NR2C2: variants seen among roughly 807,000 people sequenced by gnomAD.
NR2C2 encodes nuclear receptor subfamily 2 group C member 2, also known as Nuclear hormone receptor TR4.
A neutral mutation model predicts 62.9 loss-of-function variants in NR2C2; 6 were observed. The observed-to-expected ratio is 0.10, with a 90% confidence interval of 0.05 to 0.19. The LOEUF is 0.19. Among genes scored for constraint, NR2C2 ranks in the 10% least tolerant of loss-of-function variants. The probability of loss-of-function intolerance (pLI) is 1.00; values close to 1 mark genes in which losing one functional copy is unlikely to be tolerated. For synonymous variants in NR2C2, 272 were observed against 273.8 expected (o/e 0.99, Z 0.07); for missense variants, 479 against 762.7 (o/e 0.63, Z 4.38).
chr3:14,980,100 G>C (rs918632432), intron 1 of NR2C2, among the ~76,000 whole-genome samples: 2 of 151,940 alleles, frequency 1.3e-5, no homozygotes, highest in Non-Finnish European at 2.9e-5. Flanking sequence ...GGCTTCCTTG[G>C]TTTTATACCT....
chr3:14,959,972 A>T lies in NR2C2; in HGVS notation c.-40+12066A>T, dbSNP rs1019143296. Among the ~76,000 whole-genome samples, 10 of 152,354 alleles carry T rather than the reference A, an allele frequency of 6.6e-5. No homozygotes were observed. The South Asian group carries it at 8.3e-4, about 13-fold the overall frequency. On this transcript the variant is annotated intron_variant, in intron 1 of 13. Transcript: ENST00000425241. ...ATCCATTTTCCAGAACTATTTCTTG[A>T]ATAGAAAATGGTAAATGGATTATCT... is the stretch of plus-strand genomic sequence containing the variant.
chr3:14,974,975 T>C (rs1025245942), intron 1 of NR2C2, among the ~76,000 whole-genome samples: 1 of 152,256 alleles, frequency 6.6e-6, no homozygotes, highest in Non-Finnish European at 1.5e-5. Context: ...AATTTAATCC[T>C]GAACATTTTA....
At chr3:15,035,254 G>A (rs556162484) in intron 11 of NR2C2, among the ~76,000 whole-genome samples, 1 of 152,270 alleles carries the variant, frequency 6.6e-6, no homozygotes, top group East Asian at 1.9e-4. Context: ...ATCATTCCAG[G>A]TACTCCATCC....
At chr3:15,023,057 G>T in intron 5 of NR2C2, 143 bp from the exon 6 acceptor site, 2 of 889,782 alleles carry the variant, frequency 2.2e-6, no homozygotes, top group Non-Finnish European at 3.3e-6. Flanking sequence ...CTCTCTGGCC[G>T]AAAAGTCCAC....
intron 5 of NR2C2, among the ~76,000 whole-genome samples, chr3:15,022,003 G>C (rs1196022943): frequency 6.6e-6 from 1 of 152,148 alleles, no homozygotes; most frequent in Non-Finnish European, 1.5e-5. Flanking sequence ...ACATTGCCAA[G>C]CTGTCCTTTT....
intron 10 of NR2C2, among the ~76,000 whole-genome samples, chr3:15,032,731 TG>T: frequency 6.6e-6 from 1 of 152,118 alleles, no homozygotes; most frequent in African/African-American, 2.4e-5. Flanking sequence ...ACCAAGGATT[TG>T]GTGCTAGGAG....
chr3:15,038,828 TAA>T (rs2042174423), intron 12 of NR2C2: 1 of 289,646 alleles, frequency 3.5e-6, no homozygotes, highest in Admixed American at 4.6e-5. Flanking sequence ...TGATAGTTTT[TAA>T]AACTATGTGT....
At chr3:14,957,261 A>G (rs1486164546) in intron 1 of NR2C2, among the ~76,000 whole-genome samples, 1 of 151,936 alleles carries the variant, frequency 6.6e-6, no homozygotes, top group African/African-American at 2.4e-5. Context: ...ACTCATTCCT[A>G]TTAATGAAGG....
chr3:14,974,121 A>G (rs2040133025), intron 1 of NR2C2, among the ~76,000 whole-genome samples: 1 of 152,128 alleles, frequency 6.6e-6, no homozygotes, highest in South Asian at 2.1e-4. Flanking sequence ...CCACCCTCAC[A>G]ACTGCTCTTC....
At chr3:14,962,831 A>G (rs548598698) in intron 1 of NR2C2, among the ~76,000 whole-genome samples, 12 of 152,150 alleles carry the variant, frequency 7.9e-5, no homozygotes, top group African/African-American at 2.9e-4. Context: ...CGTTAATATT[A>G]TGGAATAGTA....
At chr3:15,007,603 A>G (rs2041222706) in intron 2 of NR2C2, among the ~76,000 whole-genome samples, 1 of 152,240 alleles carries the variant, frequency 6.6e-6, no homozygotes, top group South Asian at 2.1e-4. Flanking sequence ...AGCCATCTTC[A>G]TATGCCACTG....
rs1298123235 is a variant in NR2C2 at position 15,049,060 on chromosome 3, A to C, written c.*6052A>C. The C allele has an allele frequency of 6.5e-6, 1 of 152,688 alleles. No homozygotes were observed. Among genetic ancestry groups the C allele is most frequent in the Non-Finnish European group, 1.5e-5 (1 of 68,050 alleles). 9.5% of individuals were successfully genotyped at this position (152,688 alleles called of 1,614,324 possible). On this transcript the variant is annotated 3_prime_UTR_variant, in exon 14 of 14. Transcript: ENST00000425241. ...TTTGTTTATGTGATGGCATTTAAAA[A>C]ATAGCATGTTCTTTTTAAACTGAAT... is the stretch of plus-strand genomic sequence containing the variant.
At chr3:14,958,280 A>G (rs191849046) in intron 1 of NR2C2, among the ~76,000 whole-genome samples, 1 of 152,150 alleles carries the variant, frequency 6.6e-6, no homozygotes, top group Admixed American at 6.5e-5. Context: ...ACTTAATAAG[A>G]ACTGATGGAG....
rs185252555 is a variant in NR2C2 at position 14,996,583 on chromosome 3, T to C, written c.-39-7293T>C. 8.7e-4 allele frequency among the ~76,000 whole-genome samples: 132 copies of C among 152,366 alleles called. 2 individuals are homozygous for C. Among genetic ancestry groups the C allele is most frequent in the African/African-American group, 3.1e-3 (127 of 41,592 alleles). Reference sequence around the variant, plus strand: ...AGCTATTAGAGGGTTTATTTGTTTATTTATTGAGACGGAGTCTCGCTCTGT... The same window carrying C: ...AGCTATTAGAGGGTTTATTTGTTTACTTATTGAGACGGAGTCTCGCTCTGT... On this transcript the variant is annotated intron_variant, in intron 1 of 13. Coordinates refer to ENST00000425241, the MANE Select transcript of NR2C2 (RefSeq NM_001291694.2).
At chr3:14,980,271 C>T (rs2040327345) in intron 1 of NR2C2, among the ~76,000 whole-genome samples, 1 of 151,472 alleles carries the variant, frequency 6.6e-6, no homozygotes, top group African/African-American at 2.4e-5. Context: ...CCGCCTCAGC[C>T]TTCCAAGGAG....
At chr3:15,014,111 A>T (rs1042762942) in intron 3 of NR2C2, among the ~76,000 whole-genome samples, 8 of 152,180 alleles carry the variant, frequency 5.3e-5, no homozygotes, top group African/African-American at 1.9e-4. Context: ...AGCCCTTGAT[A>T]TTTTAAAGGT....
At chr3:14,956,211 A>C (rs2039518477) in intron 1 of NR2C2, among the ~76,000 whole-genome samples, 1 of 152,076 alleles carries the variant, frequency 6.6e-6, no homozygotes, top group Non-Finnish European at 1.5e-5. Context: ...CTTGAATTTC[A>C]TTTTCTACTT....
intron 2 of NR2C2, among the ~76,000 whole-genome samples, chr3:15,008,451 G>A (rs931812936): frequency 2.0e-5 from 3 of 151,954 alleles, no homozygotes; most frequent in African/African-American, 7.2e-5. Context: ...GAGGCTGAGA[G>A]GTGGAGGTTG....
At chr3:15,015,164 T>C (rs957676108) in intron 3 of NR2C2, among the ~76,000 whole-genome samples, 18 of 152,270 alleles carry the variant, frequency 1.2e-4, no homozygotes, top group African/African-American at 4.1e-4. Context: ...AAAGAATGGC[T>C]GTTGATTTTG....
Sources: allele counts gnomAD v4.1 joint callset (sites outside exome capture counted in the v4.1 genomes callset), GRCh38; gene constraint gnomAD v4.1.1; transcripts MANE v1.5; gene names NCBI Gene and HGNC (gene_info 2026-07-23, HGNC 2026-07-21).